MAP4K2: variants seen among roughly 807,000 people sequenced by gnomAD.
The protein encoded by MAP4K2 is B lymphocyte serine/threonine protein kinase.
In MAP4K2, 85 loss-of-function variants were observed where a neutral mutation model predicts 125.3. The ratio of observed to expected loss-of-function variants is 0.68; its 90% CI spans 0.57 to 0.81. The LOEUF (loss-of-function observed/expected upper bound fraction) is 0.81, where lower values mean the gene tolerates loss of function less well. Ranked by LOEUF, MAP4K2 falls within the 40% of genes least tolerant of loss-of-function variation. The pLI, the probability that MAP4K2 is intolerant of heterozygous loss-of-function variation, is 0.00. For synonymous variants in MAP4K2, 479 were observed against 445.1 expected (o/e 1.08, Z -0.96); for missense variants, 923 against 1,056.4 (o/e 0.87, Z 1.75).
chr11:64,794,367 C>CCT (rs1555156903), intron 24 of MAP4K2, among the ~76,000 whole-genome samples: 3 of 148,264 alleles, frequency 2.0e-5, no homozygotes. Context: ...TTCTGTTTTT[C>CCT]TTTTTTTTTT....
chr11:64,802,280 A>G, intron 4 of MAP4K2, 139 bp downstream of exon 4: 3 of 1,096,774 alleles, frequency 2.7e-6, no homozygotes, highest in East Asian at 5.1e-5. Flanking sequence ...AGAGATGGAC[A>G]GTATTTCTCT....
intron 24 of MAP4K2, among the ~76,000 whole-genome samples, chr11:64,795,440 G>A (rs547300444): frequency 6.0e-5 from 9 of 151,048 alleles, no homozygotes; most frequent in South Asian, 2.1e-4. Flanking sequence ...TCTTGCTGTC[G>A]GCCAGGCTGG....
At chr11:64,799,051 T>G (rs1408077941) in intron 14 of MAP4K2, among the ~76,000 whole-genome samples, 1 of 151,896 alleles carries the variant, frequency 6.6e-6, no homozygotes, top group Non-Finnish European at 1.5e-5. Flanking sequence ...AGAGACAGGC[T>G]GGGGGGTGAG....
In MAP4K2 at chr11:64,800,368, G is replaced by A; in HGVS notation, c.750C>T (p.Leu250=). Reference sequence around the variant, plus strand: ...TAGGATTCTTGGTCAGGGCCAGTTTGAGAAAGTGGTGGAAATTCTGGGTCC... The same window carrying A: ...TAGGATTCTTGGTCAGGGCCAGTTTAAGAAAGTGGTGGAAATTCTGGGTCC... ...TRWTQNFHHF[L]KLALTKNPKK... is the part of the protein sequence containing the mutation. The change falls in exon 11 of 32, where the codon CTC becomes CTT. Residue 250 remains leucine, a synonymous_variant. Coordinates refer to ENST00000294066, the MANE Select transcript of MAP4K2 (RefSeq NM_004579.5). 1 of 1,614,104 alleles carries A rather than the reference G, an allele frequency of 6.2e-7. No homozygotes were observed.
chr11:64,800,316 G>A lies in MAP4K2; in HGVS notation c.802C>T (p.Leu268=). ...CCCGGCCCCCTGCCTCCCACCTGCAGGAGCTTCTCTGCTGTCGGCCTCTTC... is the reference window on the plus strand; with the variant it reads ...CCCGGCCCCCTGCCTCCCACCTGCAAGAGCTTCTCTGCTGTCGGCCTCTTC... ...PKKRPTAEKL[L]QHPFTTQQLP... Residue 268 remains leucine, a synonymous_variant, in exon 11 of 32, where the codon CTG becomes TTG. Coordinates refer to ENST00000294066, the MANE Select transcript of MAP4K2 (RefSeq NM_004579.5). The A allele has an allele frequency of 6.2e-7, 1 of 1,614,092 alleles. No homozygotes were observed. The highest frequency in any genetic ancestry group is 8.5e-7 in the Non-Finnish European group (1 of 1,180,028).
Position 64,797,091 on chromosome 11 carries a change from A to G in MAP4K2, c.1365+13T>C. The G allele has an allele frequency of 1.2e-6, 2 of 1,614,108 alleles. No individual in the cohort carries two copies. The highest frequency in any genetic ancestry group is 8.5e-7 in the Non-Finnish European group (1 of 1,180,012). ...GCCGCCCGTCTCCCCACCCCACTGT[A>G]GCACCCTCTTACCTCAGGATCCTCC... is the stretch of plus-strand genomic sequence containing the variant. On this transcript the variant is annotated intron_variant, in intron 19 of 31. Coordinates refer to ENST00000294066, the MANE Select transcript of MAP4K2 (RefSeq NM_004579.5).
Position 64,796,631 on chromosome 11 carries a change from C to T in MAP4K2, c.1572+3G>A, listed in dbSNP as rs1199757160. 6.2e-7 allele frequency: 1 copy of T among 1,614,114 alleles called. No individual in the cohort carries two copies. The highest frequency in any genetic ancestry group is 1.7e-5 in the Admixed American group (1 of 60,038). ...CTGCCCCCCACAGCCAGCCGGGCCT[C>T]ACCTTCTCCAGCGTATCCTCATGCA... On this transcript the variant is annotated splice_donor_region_variant and intron_variant, in intron 22 of 31. Coordinates refer to ENST00000294066, the MANE Select transcript of MAP4K2 (RefSeq NM_004579.5).
chr11:64,799,737 G>C, intron 12 of MAP4K2, 54 bp from the exon 13 acceptor site: 1 of 1,462,292 alleles, frequency 6.8e-7, no homozygotes, highest in Admixed American at 1.7e-5. Context: ...TCATGCCGGG[G>C]CTGCTCTAGG....
chr11:64,800,321 T>G lies in MAP4K2; in HGVS notation c.797A>C (p.Lys266Thr), dbSNP rs1318757906. ...CCCCCTGCCTCCCACCTGCAGGAGCTTCTCTGCTGTCGGCCTCTTCTTAGG... is the reference window on the plus strand; with the variant it reads ...CCCCCTGCCTCCCACCTGCAGGAGCGTCTCTGCTGTCGGCCTCTTCTTAGG... The part of the protein sequence containing the change: ...KNPKKRPTAE[K>T]LLQHPFTTQQ... The change falls in exon 11 of 32, where the codon AAG (lysine) becomes ACG (threonine). Residue 266 changes from lysine (K) to threonine (T), a missense_variant. By Grantham distance (78) the Lys-to-Thr change is moderately conservative. Transcript: ENST00000294066. The G allele has an allele frequency of 1.2e-6, 2 of 1,614,094 alleles. No homozygotes were observed. Among genetic ancestry groups the G allele is most frequent in the Non-Finnish European group, 1.7e-6 (2 of 1,180,030 alleles).
chr11:64,789,319 G>A lies in MAP4K2; in HGVS notation c.*218C>T. 1 of 573,868 alleles carries A rather than the reference G, an allele frequency of 1.7e-6. No homozygotes were observed. Among genetic ancestry groups the A allele is most frequent in the South Asian group, 2.0e-5 (1 of 49,088 alleles). The allele number at this position is 573,868 out of a possible 1,614,324, so 35.5% of individuals were successfully genotyped here. ...GGGACTGGGCTGCCTCGGGGATGGG[G>A]GAGTGACAGCAGCTCCCCCTGGTCC... On this transcript the variant is annotated 3_prime_UTR_variant, in exon 32 of 32. Coordinates refer to ENST00000294066, the MANE Select transcript of MAP4K2 (RefSeq NM_004579.5).
chr11:64,785,368 A>T lies in MAP4K2; in HGVS notation c.*4169T>A, dbSNP rs1190947670. ...CACATTTTTATATGCAGCTTATTGT[A>T]TGCCAATTATGCCTCAATAAAACTG... On this transcript the variant is annotated 3_prime_UTR_variant, in exon 32 of 32. Transcript: ENST00000294066. The T allele has an allele frequency of 6.6e-6, 1 of 152,196 alleles. No individual in the cohort carries two copies. Among genetic ancestry groups the T allele is most frequent in the African/African-American group, 2.4e-5 (1 of 41,428 alleles). 9.4% of individuals were successfully genotyped at this position (152,196 alleles called of 1,614,324 possible). A position where few individuals can be genotyped will look rare whatever the true frequency, so the allele number is the denominator to read the frequency against.
At position 64,796,295 on chromosome 11, in the gene MAP4K2, G is replaced by T. The variant is rs528236149; in HGVS notation, c.1729C>A (p.Leu577Ile). The T allele has an allele frequency of 2.6e-6, 4 of 1,536,336 alleles. No individual in the cohort carries two copies. The African/African-American group carries it at 5.5e-5, about 21-fold the overall frequency. ...GACCTGGGGATGATGCGCTGGGTGA[G>T]GCGGTTGGTGGGGATGGAGAGGGGA... ...QVPLSIPTNRLTQRIIPRRFA... is the reference protein window; with the variant it reads ...QVPLSIPTNRITQRIIPRRFA... The change falls in exon 24 of 32, where the codon CTC (leucine) becomes ATC (isoleucine). Residue 577 changes from leucine to isoleucine, a missense_variant. Coordinates refer to ENST00000294066, the MANE Select transcript of MAP4K2 (RefSeq NM_004579.5).
In MAP4K2 at chr11:64,789,489, G is replaced by A. The variant is rs1335737945; in HGVS notation, c.*48C>T. ...GCCCCTTTGCCCAAAAGGGCCTGCAGCTAAGGCGTGGGGTGGGGCGGGGAG... is the reference window on the plus strand; with the variant it reads ...GCCCCTTTGCCCAAAAGGGCCTGCAACTAAGGCGTGGGGTGGGGCGGGGAG... On this transcript the variant is annotated 3_prime_UTR_variant, in exon 32 of 32. Coordinates refer to ENST00000294066, the MANE Select transcript of MAP4K2 (RefSeq NM_004579.5). 14 of 1,526,276 alleles carry A rather than the reference G, an allele frequency of 9.2e-6. No individual in the cohort carries two copies. Among genetic ancestry groups the A allele is most frequent in the Non-Finnish European group, 1.2e-5 (14 of 1,124,190 alleles). The allele number at this position is 1,526,276 out of a possible 1,614,324, so 94.5% of individuals were successfully genotyped here. A position where few individuals can be genotyped will look rare whatever the true frequency, so the allele number is the denominator to read the frequency against.
chr11:64,801,982 C>T, intron 5 of MAP4K2, 84 bp downstream of exon 5: 1 of 1,431,746 alleles, frequency 7.0e-7, no homozygotes, highest in Non-Finnish European at 9.5e-7. Flanking sequence ...CGAGGCACTC[C>T]ACCCGCCTCC....
In MAP4K2 at chr11:64,800,100, C is replaced by A. The variant is rs71581725; in HGVS notation, c.915+9G>T. The A allele has an allele frequency of 0.019, 30,560 of 1,589,302 alleles. 348 individuals carry two copies. Among genetic ancestry groups the A allele is most frequent in the Non-Finnish European group, 0.022 (25,951 of 1,167,690 alleles). On this transcript the variant is annotated intron_variant, in intron 12 of 31. Transcript: ENST00000294066. The stretch of plus-strand genomic sequence containing the variant: ...GCCCAAGACTCACTTTCCAGCCCCC[C>A]TCACCTACCTCCAGCTCACAGTCCT...
intron 27 of MAP4K2, 57 bp downstream of exon 27, chr11:64,791,851 CT>C: frequency 6.9e-7 from 1 of 1,448,598 alleles, no homozygotes; most frequent in Non-Finnish European, 9.1e-7. Flanking sequence ...CCCTGCCTCC[CT>C]CCCTCGGTCT....
At chr11:64,799,737 G>T in intron 12 of MAP4K2, 54 bp from the exon 13 acceptor site, 1 of 1,462,284 alleles carries the variant, frequency 6.8e-7, no homozygotes, top group Non-Finnish European at 9.5e-7. Flanking sequence ...TCATGCCGGG[G>T]CTGCTCTAGG....
rs367780843 is a variant in MAP4K2, at chr11:64,797,336, G to T, written c.1215C>A (p.Ala405=). 1 of 1,600,198 alleles carries T rather than the reference G, an allele frequency of 6.2e-7. No homozygotes were observed. The highest frequency in any genetic ancestry group is 2.3e-5 in the East Asian group (1 of 44,296). The change falls in exon 18 of 32, where the codon GCC becomes GCA. Residue 405 remains alanine, a synonymous_variant. Coordinates refer to ENST00000294066, the MANE Select transcript of MAP4K2 (RefSeq NM_004579.5). The stretch of plus-strand genomic sequence containing the variant: ...CAGTGGGGAGTGGCCCTAGGAACGG[G>T]GCCCGCTTGATGGTTCCCATGGTAT... The part of the protein sequence containing the change: ...PDDTMGTIKR[A]PFLGPLPTDP...
In MAP4K2 at chr11:64,802,476, G is replaced by T; in HGVS notation, c.253C>A (p.Arg85Ser). ...AYIGSYLRND[R>S]LWICMEFCGG... is the part of the protein sequence containing the mutation. ...CAGAACTCCATGCAGATCCACAAGC[G>T]GTCATTCCTAGGGACAAAGAGCTGG... Residue 85 changes from arginine (R) to serine (S), a missense_variant, in exon 4 of 32, where the codon CGC becomes AGC. Transcript: ENST00000294066. 1 of 1,523,024 alleles carries T rather than the reference G, an allele frequency of 6.6e-7. No individual in the cohort carries two copies. 94.3% of individuals were successfully genotyped at this position (1,523,024 alleles called of 1,614,324 possible).
Sources: gnomAD v4.1 joint callset for allele counts (sites outside exome capture counted in the v4.1 genomes callset) on GRCh38, gnomAD v4.1.1 for gene constraint, MANE v1.5 for transcripts, NCBI Gene and HGNC (gene_info 2026-07-23, HGNC 2026-07-21) for gene names.